The following ARID3C variants were observed in gnomAD, a reference collection of about 807,000 sequenced individuals.
The protein encoded by ARID3C is AT-rich interaction domain 3C.
A neutral mutation model predicts 37.9 loss-of-function variants in ARID3C; 42 were observed. The ratio of observed to expected loss-of-function variants is 1.11; its 90% CI spans 0.87 to 1.43. The LOEUF (loss-of-function observed/expected upper bound fraction) is 1.43. Ranked by LOEUF, ARID3C falls within the 40% of genes most tolerant of loss-of-function variation. The probability of loss-of-function intolerance (pLI) is 0.00; values close to 1 mark genes in which losing one functional copy is unlikely to be tolerated. For missense variants in ARID3C, 581 were observed against 548.8 expected (o/e 1.06, Z -0.59); for synonymous variants, 213 against 228.0 (o/e 0.93, Z 0.59).
At chr9:34,627,908 C>G (rs769170619) in exon 1 of ARID3C, 1 of 1,560,132 alleles carries the variant, frequency 6.4e-7, no homozygotes. Context: ...CTGTAGGGTC[C>G]GGTGGTCAGG....
At chr9:34,622,418 A>G (rs998240873) in exon 5 of ARID3C, 2 of 1,614,128 alleles carry the variant, frequency 1.2e-6, no homozygotes, top group Non-Finnish European at 8.5e-7. Flanking sequence ...CATAGGCCCC[A>G]TCAGCACAGC....
upstream of ARID3C, among the ~76,000 whole-genome samples, chr9:34,629,495 G>A (rs80168131): frequency 0.018 from 2,688 of 152,334 alleles, 35 homozygotes; most frequent in Non-Finnish European, 0.025. Context: ...GGTGTGCGTG[G>A]AGGGTCTGGT....
exon 6 of ARID3C, chr9:34,622,073 C>T (rs1472874656): frequency 6.2e-7 from 1 of 1,614,050 alleles, no homozygotes; most frequent in African/African-American, 1.3e-5. Context: ...GCTGATGCCA[C>T]TGCCTGCCAG....
In ARID3C at chr9:34,621,994, G is replaced by C. The variant is rs753233974; in HGVS notation, c.1138+26C>G. 9.3e-6 allele frequency: 15 copies of C among 1,609,160 alleles called. No homozygotes were observed. The South Asian group carries it at 1.6e-4, about 18-fold the overall frequency. On this transcript the variant is annotated intron_variant, in intron 6 of 6. Coordinates refer to ENST00000378909, the Ensembl canonical transcript of ARID3C. ...CCTAAATACCCCTGACCCCATGCCA[G>C]TGTAGACAGCCTGCAGTACCCATAC...
Position 34,625,653 on chromosome 9 carries a change from C to G in ARID3C, c.391+89G>C, listed in dbSNP as rs887883839. The G allele has an allele frequency of 1.1e-5, 16 of 1,441,076 alleles. No individual in the cohort carries two copies. In the African/African-American group the frequency reaches 1.5e-4, roughly 14 times the overall value. The allele number at this position is 1,441,076 out of a possible 1,614,324, so 89.3% of individuals were successfully genotyped here. ...CCCAAAGGACAGGTGCTGCCAAGCT[C>G]AGGCCTCAGCAGGGAGAACCCAACC... is the stretch of plus-strand genomic sequence containing the variant. On this transcript the variant is annotated intron_variant, in intron 2 of 6. Coordinates refer to ENST00000378909, the Ensembl canonical transcript of ARID3C.
chr9:34,621,917 A>C (rs1820569627), intron 6 of ARID3C, 103 bp downstream of exon 7: 5 of 1,170,838 alleles, frequency 4.3e-6, no homozygotes, highest in Non-Finnish European at 6.3e-6. Flanking sequence ...ATGCAAGTTT[A>C]GATATCCCTG....
At chr9:34,631,424 T>C (rs895193856), upstream of ARID3C, among the ~76,000 whole-genome samples, 26 of 152,208 alleles carry the variant, frequency 1.7e-4, no homozygotes, top group Non-Finnish European at 3.7e-4. Flanking sequence ...CTGCCTCTCA[T>C]ACCCGCAGTC....
At chr9:34,625,303 C>G (rs1170494734) in intron 2 of ARID3C, among the ~76,000 whole-genome samples, 1 of 152,170 alleles carries the variant, frequency 6.6e-6, no homozygotes, top group Non-Finnish European at 1.5e-5. Context: ...AGCCTCAACT[C>G]ACATAGTCCC....
At chr9:34,623,175 A>G (rs1425549787) in intron 4 of ARID3C, among the ~76,000 whole-genome samples, 1 of 151,588 alleles carries the variant, frequency 6.6e-6, no homozygotes, top group Non-Finnish European at 1.5e-5. Context: ...AAAAAAAGAA[A>G]AAAAAGGACC....
At chr9:34,624,602 G>C (rs531627551) in intron 2 of ARID3C, among the ~76,000 whole-genome samples, 29 of 152,292 alleles carry the variant, frequency 1.9e-4, no homozygotes, top group African/African-American at 6.3e-4. Context: ...GGCGGGAAAA[G>C]AATCAACTCC....
chr9:34,629,027 C>T (rs545334272), upstream of ARID3C, among the ~76,000 whole-genome samples: 111 of 151,982 alleles, frequency 7.3e-4, 1 homozygote, highest in Non-Finnish European at 7.2e-4. Context: ...CTCCCGCCGC[C>T]CTGTGCTCCT....
chr9:34,623,548 G>A (rs1467365130), exon 4 of ARID3C: 1 of 1,593,322 alleles, frequency 6.3e-7, no homozygotes, highest in Non-Finnish European at 8.5e-7. Context: ...CCCAAGGCTG[G>A]GTCCTGAGCG....
chr9:34,632,213 A>G (rs762547788), upstream of ARID3C, among the ~76,000 whole-genome samples: 1 of 152,206 alleles, frequency 6.6e-6, no homozygotes, highest in Non-Finnish European at 1.5e-5. Context: ...AGTGAGCAGG[A>G]ATTGAAGGAG....
At chr9:34,622,161 T>C (rs766491283) in intron 5 of ARID3C, 52 bp from the exon 7 acceptor site, 1 of 1,583,152 alleles carries the variant, frequency 6.3e-7, no homozygotes, top group South Asian at 1.1e-5. Context: ...GACTTCTGAC[T>C]TATTAATAGA....
At chr9:34,624,319 C>G (rs1338734084) in intron 2 of ARID3C, among the ~76,000 whole-genome samples, 1 of 152,226 alleles carries the variant, frequency 6.6e-6, no homozygotes, top group Non-Finnish European at 1.5e-5. Context: ...ATAGAGAATA[C>G]CTGAAGGAAT....
At chr9:34,622,448 T>C in exon 5 of ARID3C, 1 of 1,614,098 alleles carries the variant, frequency 6.2e-7, no homozygotes, top group Non-Finnish European at 8.5e-7. Context: ...TGGGGGCTCC[T>C]CTGGTGCCAA....
rs755197771 is a variant in ARID3C at position 34,623,607 on chromosome 9, G to A, written c.683C>T (p.Ala228Val). ...GCCGAAGAGCGGAGTAGCGGTGTAA[G>A]CCTGGCGACGGCCCTCGCGCCGATT... is the stretch of plus-strand genomic sequence containing the variant. The change falls in exon 4 of 7, where the codon GCT becomes GTT. Residue 228 changes from alanine (A) to valine (V), a missense_variant. By Grantham distance (64) the Ala-to-Val change is moderately conservative. Coordinates refer to ENST00000378909, the Ensembl canonical transcript of ARID3C. 3.7e-6 allele frequency: 6 copies of A among 1,608,472 alleles called. No individual in the cohort carries two copies. In the East Asian group the frequency reaches 1.3e-4, roughly 36 times the overall value.
At chr9:34,624,671 G>A (rs1452758828) in intron 2 of ARID3C, among the ~76,000 whole-genome samples, 1 of 152,214 alleles carries the variant, frequency 6.6e-6, no homozygotes, top group Non-Finnish European at 1.5e-5. Context: ...CCTGACAAAG[G>A]GGCCTGTCTG....
upstream of ARID3C, among the ~76,000 whole-genome samples, chr9:34,631,185 G>A (rs1820720493): frequency 6.6e-6 from 1 of 152,170 alleles, no homozygotes; most frequent in Non-Finnish European, 1.5e-5. Flanking sequence ...AGAAAGGTAG[G>A]AATTGGCTTG....
Sources: allele counts gnomAD v4.1 joint callset (sites outside exome capture counted in the v4.1 genomes callset), GRCh38; gene constraint gnomAD v4.1.1; transcripts MANE v1.5; gene names NCBI Gene and HGNC (gene_info 2026-07-23, HGNC 2026-07-21).